The following FAM20C variants were observed in gnomAD, a reference collection of about 807,000 sequenced individuals.
FAM20C encodes the protein extracellular serine/threonine protein kinase FAM20C.
A neutral mutation model predicts 51.5 loss-of-function variants in FAM20C; 40 were observed. The observed-to-expected ratio is 0.78, with a 90% CI of 0.60 to 1.01. The LOEUF (loss-of-function observed/expected upper bound fraction) is 1.01. Ranked by LOEUF, FAM20C falls within the 50% of genes least tolerant of loss-of-function variation. The probability of loss-of-function intolerance (pLI) is 0.00; values close to 1 mark genes in which losing one functional copy is unlikely to be tolerated. For synonymous variants in FAM20C, 406 were observed against 380.6 expected (o/e 1.07, Z -0.78); for missense variants, 861 against 844.7 (o/e 1.02, Z -0.24).
At chr7:235,694 C>G (rs1173500856) in intron 3 of FAM20C, among the ~76,000 whole-genome samples, 1 of 152,196 alleles carries the variant, frequency 6.6e-6, no homozygotes, top group Non-Finnish European at 1.5e-5. Context: ...AGCCGGTCAG[C>G]TCAGCTTGCT....
rs149565814 is a variant in FAM20C at position 248,136 on chromosome 7, T to C, written c.957-179T>C. On this transcript the variant is annotated intron_variant, in intron 4 of 9. Transcript: ENST00000313766. Reference sequence around the variant, plus strand: ...GGGGCCTCTCCCACCCCCATCACCGTGGGGCCAGGCAGAGCCACCGGACCT... The same window carrying C: ...GGGGCCTCTCCCACCCCCATCACCGCGGGGCCAGGCAGAGCCACCGGACCT... Among the ~76,000 whole-genome samples the C allele has an allele frequency of 0.41, 62,366 of 151,336 alleles. 13,344 individuals are homozygous for C. Among genetic ancestry groups the C allele is most frequent in the Middle Eastern group, 0.52 (151 of 292 alleles).
At chr7:223,413 G>A (rs1583308619) in intron 3 of FAM20C, among the ~76,000 whole-genome samples, 1 of 152,234 alleles carries the variant, frequency 6.6e-6, no homozygotes, top group African/African-American at 2.4e-5. Context: ...CACAGAGCCT[G>A]CCGGGGTAGA....
intron 3 of FAM20C, among the ~76,000 whole-genome samples, chr7:218,872 C>CCG (rs1205654873): frequency 6.8e-6 from 1 of 146,474 alleles, no homozygotes; most frequent in Non-Finnish European, 1.5e-5. Flanking sequence ...CAGATCACTC[C>CCG]TGTCCGGCCG....
At chr7:199,682 C>T (rs753823316) in intron 2 of FAM20C, among the ~76,000 whole-genome samples, 12 of 152,274 alleles carry the variant, frequency 7.9e-5, no homozygotes, top group Admixed American at 2.0e-4. Flanking sequence ...TTAGGGCCAG[C>T]GGAGGTTTAT....
chr7:195,396 A>G (rs1454412764), intron 1 of FAM20C, 158 bp from the exon 2 acceptor site: 3 of 562,350 alleles, frequency 5.3e-6, no homozygotes, highest in Non-Finnish European at 8.4e-6. Context: ...AAGAAAGCGC[A>G]GACGTTGCAG....
chr7:236,755 G>A (rs1171709946), intron 3 of FAM20C, among the ~76,000 whole-genome samples: 3 of 149,408 alleles, frequency 2.0e-5, no homozygotes, highest in South Asian at 2.1e-4. Flanking sequence ...GGTGGCTGTC[G>A]GGGTTTCATG....
At chr7:258,157 T>TGGGCTGGGTGG (rs1788695085) in intron 8 of FAM20C, among the ~76,000 whole-genome samples, 1 of 86,498 alleles carries the variant, frequency 1.2e-5, no homozygotes, top group African/African-American at 5.8e-5. Context: ...GTGCTGGAGA[T>TGGGCTGGGTGG]AGGCAGGGTG....
At chr7:193,983 T>A in intron 1 of FAM20C, 179 bp downstream of exon 1, 1 of 996,984 alleles carries the variant, frequency 1.0e-6, no homozygotes, top group Non-Finnish European at 1.4e-6. Context: ...AATAACCTCC[T>A]CCTTGGGAGG....
chr7:201,698 T>G, intron 2 of FAM20C, among the ~76,000 whole-genome samples: 1 of 152,252 alleles, frequency 6.6e-6, no homozygotes, highest in East Asian at 1.9e-4. Flanking sequence ...TCTTTCTATG[T>G]AAGACGCTTA....
chr7:229,287 T>A, intron 3 of FAM20C: 1 of 217,170 alleles, frequency 4.6e-6, no homozygotes, highest in Non-Finnish European at 9.4e-6. Context: ...TGCTGCAATG[T>A]GTTCTGGCTG....
intron 3 of FAM20C, among the ~76,000 whole-genome samples, chr7:234,136 G>A (rs1456657400): frequency 1.3e-5 from 2 of 152,248 alleles, no homozygotes; most frequent in Non-Finnish European, 2.9e-5. Context: ...GAGGCGTGAC[G>A]CCTGTGGGGC....
At position 226,048 on chromosome 7, in the gene FAM20C, G is replaced by C. The variant is rs1409745501; in HGVS notation, c.863+17072G>C. Among the ~76,000 whole-genome samples the C allele has an allele frequency of 2.6e-5, 4 of 152,166 alleles. 1 individual carries two copies. The highest frequency in any genetic ancestry group is 7.2e-5 in the African/African-American group (3 of 41,416). On this transcript the variant is annotated intron_variant, in intron 3 of 9. Coordinates refer to ENST00000313766, the MANE Select transcript of FAM20C (RefSeq NM_020223.4). ...CAACCTGGGTTTCACTGAGTTCCATGAGACCGGATGGGAGAAGAAGCAGGG... is the reference window on the plus strand; with the variant it reads ...CAACCTGGGTTTCACTGAGTTCCATCAGACCGGATGGGAGAAGAAGCAGGG...
Position 252,255 on chromosome 7 carries a change from C to T in FAM20C, c.1073-3594C>T, listed in dbSNP as rs142371645. Among the ~76,000 whole-genome samples, 1,077 of 130,756 alleles carry T rather than the reference C, an allele frequency of 8.2e-3. 3 individuals are homozygous for T. The highest frequency in any genetic ancestry group is 0.022 in the Admixed American group (298 of 13,556). 85.8% of individuals were successfully genotyped at this position (130,756 alleles called of 152,430 possible). ...GTCATCTCGGAGGCCCTGCCGGAGC[C>T]GAGGGCACATCAGAGGGCTGAGCCC... On this transcript the variant is annotated intron_variant, in intron 5 of 9. Coordinates refer to ENST00000313766, the MANE Select transcript of FAM20C (RefSeq NM_020223.4).
At chr7:198,450 T>G (rs1019030251) in intron 2 of FAM20C, among the ~76,000 whole-genome samples, 2 of 152,134 alleles carry the variant, frequency 1.3e-5, no homozygotes, top group Non-Finnish European at 1.5e-5. Flanking sequence ...GAAAACTGAC[T>G]CAGGCTGAAC....
intron 3 of FAM20C, among the ~76,000 whole-genome samples, chr7:209,999 ACCCGGGGC>A (rs1206005097): frequency 6.6e-6 from 1 of 151,678 alleles, no homozygotes. Context: ...CCTGCCTCAG[ACCCGGGGC>A]TGCCGGGAGC....
chr7:198,002 C>T (rs1325560963), intron 2 of FAM20C, among the ~76,000 whole-genome samples: 1 of 152,186 alleles, frequency 6.6e-6, no homozygotes, highest in Non-Finnish European at 1.5e-5. Flanking sequence ...GAATCCCTAC[C>T]CCAGGATTCT....
chr7:235,320 C>A (rs951737189), intron 3 of FAM20C, among the ~76,000 whole-genome samples: 2 of 152,180 alleles, frequency 1.3e-5, no homozygotes, highest in Admixed American at 6.5e-5. Flanking sequence ...AAATGCCGGA[C>A]GCACGTGGAC....
At chr7:201,359 G>A (rs888090557) in intron 2 of FAM20C, among the ~76,000 whole-genome samples, 1 of 152,232 alleles carries the variant, frequency 6.6e-6, no homozygotes, top group African/African-American at 2.4e-5. Flanking sequence ...CCACAGGTCT[G>A]TAGGAGGTGG....
intron 8 of FAM20C, 40 bp from the exon 9 acceptor site, chr7:258,606 T>G: frequency 1.3e-6 from 2 of 1,534,612 alleles, no homozygotes; most frequent in Non-Finnish European, 8.7e-7. Context: ...TTAGGAACCT[T>G]GTACAGGGGC....
Sources: allele counts gnomAD v4.1 joint callset (sites outside exome capture counted in the v4.1 genomes callset), GRCh38; gene constraint gnomAD v4.1.1; transcripts MANE v1.5; gene names NCBI Gene and HGNC (gene_info 2026-07-23, HGNC 2026-07-21).